Variants in DOCK1 observed in about 807,000 individuals in gnomAD.
DOCK1 encodes dedicator of cytokinesis 1, also known as dedicator of cytokinesis protein 1.
Under a neutral mutation model 262.7 loss-of-function variants are expected in DOCK1, and 138 were observed. That is an observed-to-expected ratio of 0.53 (90% CI 0.46 to 0.61). The LOEUF (loss-of-function observed/expected upper bound fraction) is 0.61. Among genes scored for constraint, DOCK1 ranks in the 20% least tolerant of loss-of-function variants. DOCK1 has a pLI of 0.00. For missense variants in DOCK1, 1,908 were observed against 2,370.7 expected (o/e 0.80, Z 4.05); for synonymous variants, 866 against 867.4 (o/e 1.00, Z 0.03).
Position 127,175,382 on chromosome 10 carries a change from T to C in DOCK1, c.2847+47618T>C, listed in dbSNP as rs61752578. ...GGCATTCTTCACCTGCAGCAACCGC[T>C]GTGGGACTAGGCTGGTTCCCCAGCC... On this transcript the variant is annotated intron_variant, in intron 27 of 51. Coordinates refer to ENST00000623213, the MANE Select transcript of DOCK1 (RefSeq NM_001290223.2). The surrounding 1 kb of genome is among the most constrained non-coding windows in gnomAD (Gnocchi z 6.3). 1,642 of 1,614,006 alleles carry C rather than the reference T, an allele frequency of 1.0e-3. 17 individuals are homozygous for C. The African/African-American group carries it at 0.018, about 18-fold the overall frequency.
intron 29 of DOCK1, among the ~76,000 whole-genome samples, chr10:127,265,987 G>C (rs974639385): frequency 6.6e-6 from 1 of 152,228 alleles, no homozygotes; most frequent in Non-Finnish European, 1.5e-5. Context: ...TGACCACACT[G>C]AGCTGAGGGC....
intron 27 of DOCK1, among the ~76,000 whole-genome samples, chr10:127,203,217 C>T (rs975257279): frequency 7.9e-5 from 12 of 152,238 alleles, no homozygotes; most frequent in African/African-American, 2.9e-4. Flanking sequence ...TCACACCCTT[C>T]TGGTGCCATG....
intron 1 of DOCK1, among the ~76,000 whole-genome samples, chr10:126,920,953 T>C (rs2134100812): frequency 6.6e-6 from 1 of 152,184 alleles, no homozygotes; most frequent in African/African-American, 2.4e-5. Flanking sequence ...TCCCAGCACG[T>C]TGGGAGGCCG....
chr10:127,196,365 G>T lies in DOCK1; in HGVS notation c.2848-51643G>T, dbSNP rs561857929. On this transcript the variant is annotated intron_variant, in intron 27 of 51. Transcript: ENST00000623213. The stretch of plus-strand genomic sequence containing the variant: ...GCGGCGGAGCCAGCCACAGCCACCC[G>T]GCTTCGCGCTCCTCCGATGTCCTCA... 4.0e-4 allele frequency among the ~76,000 whole-genome samples: 59 copies of T among 148,816 alleles called. 1 individual carries two copies. The South Asian group carries it at 0.012, about 30-fold the overall frequency.
intron 29 of DOCK1, among the ~76,000 whole-genome samples, chr10:127,291,777 T>A (rs1006213726): frequency 6.6e-6 from 1 of 152,172 alleles, no homozygotes; most frequent in Admixed American, 6.5e-5. Flanking sequence ...ATAGCCTACG[T>A]AGAGAGAATA....
Position 127,012,133 on chromosome 10 carries a change from A to C in DOCK1, c.1059-99A>C. ...TTGACTCATGATGCCTCCCTCTCGC[A>C]CTCGGTGACGATGATCTCTTATGTT... On this transcript the variant is annotated intron_variant, in intron 11 of 51. Transcript: ENST00000623213. The surrounding 1 kb of genome is among the most constrained non-coding windows in gnomAD (Gnocchi z 4.0). 2 of 672,440 alleles carry C rather than the reference A, an allele frequency of 3.0e-6. No homozygotes were observed. The allele number at this position is 672,440 out of a possible 1,614,324, so 41.7% of individuals were successfully genotyped here. A position where few individuals can be genotyped will look rare whatever the true frequency, so the allele number is the denominator to read the frequency against.
intron 43 of DOCK1, among the ~76,000 whole-genome samples, chr10:127,413,100 C>T (rs1266715037): frequency 1.3e-5 from 2 of 152,132 alleles, no homozygotes; most frequent in Non-Finnish European, 2.9e-5. Context: ...ATATGGAGTC[C>T]CTCAACTGTG....
chr10:127,264,951 G>A (rs559473978), intron 29 of DOCK1, among the ~76,000 whole-genome samples: 40 of 152,322 alleles, frequency 2.6e-4, no homozygotes, highest in Middle Eastern at 3.4e-3. Flanking sequence ...TTACAGGCAT[G>A]AGCCACCACA....
At chr10:126,973,378 A>T (rs1402873078) in intron 2 of DOCK1, among the ~76,000 whole-genome samples, 1 of 151,946 alleles carries the variant, frequency 6.6e-6, no homozygotes, top group South Asian at 2.1e-4. Flanking sequence ...GCAGGTGCCC[A>T]CCACCATGCC....
intron 1 of DOCK1, among the ~76,000 whole-genome samples, chr10:126,946,960 G>A (rs1469571445): frequency 1.3e-5 from 2 of 152,176 alleles, no homozygotes; most frequent in African/African-American, 4.8e-5. Context: ...TTGTGAAGCA[G>A]ATCAATGCAG....
intron 1 of DOCK1, among the ~76,000 whole-genome samples, chr10:126,930,166 G>GT (rs1166278494): frequency 2.0e-5 from 3 of 152,236 alleles, no homozygotes; most frequent in Admixed American, 6.5e-5. Context: ...GCATTCTGCT[G>GT]TATGAGTAGA....
chr10:127,394,110 T>A (rs1011910894), intron 38 of DOCK1, among the ~76,000 whole-genome samples: 1 of 152,130 alleles, frequency 6.6e-6, no homozygotes. Context: ...CTGTGGAGGA[T>A]GAGGGTCAAA....
intron 4 of DOCK1, 124 bp downstream of exon 4, chr10:126,982,097 A>G: frequency 9.5e-7 from 1 of 1,053,546 alleles, no homozygotes; most frequent in Non-Finnish European, 1.4e-6. Flanking sequence ...CCTGGGGGAC[A>G]GGAGTTTTGG....
chr10:127,386,534 C>T (rs1001354326), intron 38 of DOCK1, among the ~76,000 whole-genome samples: 6 of 151,434 alleles, frequency 4.0e-5, no homozygotes, highest in Non-Finnish European at 8.8e-5. Flanking sequence ...GTGAACTGTG[C>T]GTGTGAGGGA....
At chr10:127,214,205 G>A (rs925448172) in intron 27 of DOCK1, among the ~76,000 whole-genome samples, 2 of 152,102 alleles carry the variant, frequency 1.3e-5, no homozygotes, top group Admixed American at 1.3e-4. Flanking sequence ...TACATATGTA[G>A]AGATGACAAA....
intron 33 of DOCK1, among the ~76,000 whole-genome samples, chr10:127,362,991 CCCCACACACACACGCACATCCCCACACA>C (rs1565027382): frequency 0.018 from 857 of 47,552 alleles, 107 homozygotes; most frequent in African/African-American, 0.084. Flanking sequence ...ACACATCCCC[CCCCACACACACACGCACATCCCCACACA>C]CACACACACA....
intron 6 of DOCK1, among the ~76,000 whole-genome samples, chr10:126,994,406 A>G (rs1464174535): frequency 6.6e-6 from 1 of 151,936 alleles, no homozygotes; most frequent in Admixed American, 6.6e-5. Flanking sequence ...TAGTGGAGGG[A>G]AGGTCAGCAG....
chr10:127,122,826 A>G (rs1317834832), intron 25 of DOCK1, among the ~76,000 whole-genome samples: 5 of 152,210 alleles, frequency 3.3e-5, no homozygotes, highest in Non-Finnish European at 7.3e-5. Context: ...GATGGTTGAT[A>G]GCATCCTCCA....
At chr10:127,039,722 T>C (rs901186318) in intron 19 of DOCK1, among the ~76,000 whole-genome samples, 9 of 152,226 alleles carry the variant, frequency 5.9e-5, no homozygotes, top group African/African-American at 2.2e-4. Context: ...CTTTTGCTGA[T>C]AGGGATGCTG....
Sources: allele counts gnomAD v4.1 joint callset (sites outside exome capture counted in the v4.1 genomes callset), GRCh38; gene constraint gnomAD v4.1.1; non-coding constraint Gnocchi (gnomAD v3.1); transcripts MANE v1.5; gene names NCBI Gene and HGNC (gene_info 2026-07-23, HGNC 2026-07-21).